Variants in CCDC39 observed in about 807,000 individuals in gnomAD.
CCDC39 encodes the protein coiled-coil domain-containing protein 39.
A neutral mutation model predicts 121.0 loss-of-function variants in CCDC39; 113 were observed. The observed-to-expected ratio is 0.93, with a 90% confidence interval of 0.80 to 1.09. CCDC39 has a LOEUF of 1.09. Ranked by LOEUF, CCDC39 falls within the 50% of genes least tolerant of loss-of-function variation. The probability of loss-of-function intolerance (pLI) is 0.00; values close to 1 mark genes in which losing one functional copy is unlikely to be tolerated. For missense variants in CCDC39, 1,063 were observed against 1,074.7 expected, an observed-to-expected ratio of 0.99 and a Z score of 0.15; for synonymous variants, 349 against 352.2, an observed-to-expected ratio of 0.99 and a Z score of 0.10.
At chr3:180,638,113 G>C (rs1267122886) in intron 13 of CCDC39, among the ~76,000 whole-genome samples, 1 of 151,828 alleles carries the variant, frequency 6.6e-6, no homozygotes, top group Non-Finnish European at 1.5e-5. Context: ...GCTCCAGGAA[G>C]GGTCAAGCAA....
intron 14 of CCDC39, among the ~76,000 whole-genome samples, chr3:180,625,521 T>C (rs1286810103): frequency 3.3e-5 from 5 of 152,270 alleles, no homozygotes; most frequent in Admixed American, 2.6e-4. Context: ...TGGGATCTAT[T>C]GCTGAACAGT....
chr3:180,623,426 A>C (rs570884946), intron 14 of CCDC39, among the ~76,000 whole-genome samples: 1 of 151,026 alleles, frequency 6.6e-6, no homozygotes, highest in Non-Finnish European at 1.5e-5. Context: ...TCATTTGTAA[A>C]TTTTTTTGTC....
intron 14 of CCDC39, 88 bp downstream of exon 14, chr3:180,631,381 G>GT (rs1009201526): frequency 1.6e-6 from 2 of 1,263,290 alleles, no homozygotes; most frequent in Non-Finnish European, 2.2e-6. Flanking sequence ...CAATATTGTT[G>GT]TTTTTTTATT....
At chr3:180,666,875 A>T (rs1711890537) in intron 1 of CCDC39, among the ~76,000 whole-genome samples, 1 of 152,092 alleles carries the variant, frequency 6.6e-6, no homozygotes, top group Admixed American at 6.6e-5. Context: ...CACATTACAC[A>T]TACGCACACA....
chr3:180,618,403 A>G (rs1197312490), intron 16 of CCDC39, among the ~76,000 whole-genome samples: 1 of 152,030 alleles, frequency 6.6e-6, no homozygotes, highest in Non-Finnish European at 1.5e-5. Context: ...CCTGCTTACA[A>G]GGCACTTTTT....
At chr3:180,658,595 T>TC (rs1711647534) in intron 6 of CCDC39, among the ~76,000 whole-genome samples, 2 of 147,202 alleles carry the variant, frequency 1.4e-5, no homozygotes, top group African/African-American at 2.6e-5. Flanking sequence ...AGACTCCGTC[T>TC]CAAAAAAAAA....
At chr3:180,626,643 C>T (rs554812801) in intron 14 of CCDC39, among the ~76,000 whole-genome samples, 5 of 152,264 alleles carry the variant, frequency 3.3e-5, no homozygotes, top group Admixed American at 6.5e-5. Flanking sequence ...ATGTGGGGCA[C>T]GGTGTAGCAT....
chr3:180,673,182 G>A (rs1334055590), intron 1 of CCDC39, among the ~76,000 whole-genome samples: 2 of 152,214 alleles, frequency 1.3e-5, no homozygotes, highest in African/African-American at 4.8e-5. Context: ...AAGGAATTTA[G>A]AATATTACAT....
intron 10 of CCDC39, 41 bp downstream of exon 10, chr3:180,648,124 A>G (rs766209994): frequency 6.0e-6 from 9 of 1,489,322 alleles, no homozygotes; most frequent in Non-Finnish European, 8.4e-6. Flanking sequence ...TCACAACTGT[A>G]ATAAATCAAT....
chr3:180,659,263 C>T (rs372835183), intron 6 of CCDC39, among the ~76,000 whole-genome samples, 189 bp downstream of exon 6: 71 of 152,320 alleles, frequency 4.7e-4, no homozygotes, highest in Non-Finnish European at 9.3e-4. Flanking sequence ...TATAATACTA[C>T]ACTCAAATAA....
At chr3:180,654,366 C>T in intron 7 of CCDC39, among the ~76,000 whole-genome samples, 1 of 151,484 alleles carries the variant, frequency 6.6e-6, no homozygotes, top group East Asian at 1.9e-4. Context: ...AGAAAAGCTC[C>T]TTGACATTGG....
At chr3:180,671,154 T>G (rs1270845225) in intron 1 of CCDC39, among the ~76,000 whole-genome samples, 1 of 144,312 alleles carries the variant, frequency 6.9e-6, no homozygotes, top group Non-Finnish European at 1.5e-5. Context: ...GAGGTTGCAG[T>G]GAGCCAAGAT....
intron 6 of CCDC39, among the ~76,000 whole-genome samples, chr3:180,656,435 A>C (rs16831822): frequency 0.041 from 6,236 of 152,322 alleles, 450 homozygotes; most frequent in African/African-American, 0.14. Flanking sequence ...AGACCCCTGA[A>C]AAGAAAATGC....
Position 180,614,779 on chromosome 3 carries a change from C to CTT in CCDC39, c.*140_*141dup. The CTT allele has an allele frequency of 1.5e-6, 1 of 662,482 alleles. No individual in the cohort carries two copies. Among genetic ancestry groups the CTT allele is most frequent in the Non-Finnish European group, 2.4e-6 (1 of 421,466 alleles). The allele number at this position is 662,482 out of a possible 1,614,324, so 41.0% of individuals were successfully genotyped here. A position where few individuals can be genotyped will look rare whatever the true frequency, so the allele number is the denominator to read the frequency against. Reference sequence around the variant, plus strand: ...AACAGTAGAGAAAATGAGAACGTTCCTTTTTTTTTAAAACTATCAGTTTTT... The same window carrying CTT: ...AACAGTAGAGAAAATGAGAACGTTCCTTTTTTTTTTTAAAACTATCAGTTTTT... On this transcript the variant is annotated 3_prime_UTR_variant, in exon 20 of 20. Transcript: ENST00000476379.
intron 1 of CCDC39, among the ~76,000 whole-genome samples, chr3:180,671,040 T>C (rs1337698503): frequency 6.6e-6 from 1 of 151,844 alleles, no homozygotes; most frequent in African/African-American, 2.4e-5. Context: ...GGCAAAACCC[T>C]GTGTCTACTA....
chr3:180,643,997 A>T (rs1718016044), intron 12 of CCDC39, 123 bp downstream of exon 12: 2 of 692,470 alleles, frequency 2.9e-6, no homozygotes, highest in Non-Finnish European at 4.4e-6. Flanking sequence ...AACACTGTTT[A>T]TATTGGGTAT....
chr3:180,628,427 T>C (rs1717616146), intron 14 of CCDC39, among the ~76,000 whole-genome samples: 1 of 152,146 alleles, frequency 6.6e-6, no homozygotes, highest in South Asian at 2.1e-4. Flanking sequence ...CAGGATGGTC[T>C]CGATCTCCTG....
Position 180,663,907 on chromosome 3 carries a change from GA to G in CCDC39, c.169del (p.Ser57LeufsTer41). 1 of 1,612,446 alleles carries G rather than the reference GA, an allele frequency of 6.2e-7. No homozygotes were observed. Among genetic ancestry groups the G allele is most frequent in the Non-Finnish European group, 8.5e-7 (1 of 1,179,258 alleles). On this transcript the variant is annotated frameshift_variant, in exon 2 of 20. Transcript: ENST00000476379. LOFTEE classifies it high-confidence loss of function. ...EYEERINSMT[S>X]HFKNVKQELS... ...CTCTTGCTTAACATTTTTGAAGTGA[GA>G]AGTCATAGAATTAATTCGCTCTTCA...
At chr3:180,639,901 A>G (rs1560086158) in intron 13 of CCDC39, among the ~76,000 whole-genome samples, 1 of 152,162 alleles carries the variant, frequency 6.6e-6, no homozygotes, top group African/African-American at 2.4e-5. Flanking sequence ...AGGAATGTAT[A>G]TTGATATACA....
Sources: gnomAD v4.1 joint callset for allele counts (sites outside exome capture counted in the v4.1 genomes callset) on GRCh38, gnomAD v4.1.1 for gene constraint, MANE v1.5 for transcripts, NCBI Gene and HGNC (gene_info 2026-07-23, HGNC 2026-07-21) for gene names.